TMCO4: variants seen among roughly 807,000 people sequenced by gnomAD.
The protein encoded by TMCO4 is transmembrane and coiled-coil domain-containing protein 4.
A neutral mutation model predicts 64.7 loss-of-function variants in TMCO4; 58 were observed. The ratio of observed to expected loss-of-function variants is 0.90; its 90% CI spans 0.73 to 1.12. TMCO4 has a LOEUF of 1.12. TMCO4 is among the 50% of genes most tolerant of loss of function. The pLI, the probability that TMCO4 is intolerant of heterozygous loss-of-function variation, is 0.00. For missense variants in TMCO4, 780 were observed against 825.9 expected (o/e 0.94, Z 0.68); for synonymous variants, 325 against 346.1 (o/e 0.94, Z 0.68).
In TMCO4 at chr1:19,682,461, G is replaced by A; in HGVS notation, c.*579C>T. ...TGACTCATGTCCCTGGAGTTATGCA[G>A]CGCACAGCCTACATGGCTGTACAGG... is the stretch of plus-strand genomic sequence containing the variant. On this transcript the variant is annotated 3_prime_UTR_variant, in exon 16 of 16. Coordinates refer to ENST00000294543, the MANE Select transcript of TMCO4 (RefSeq NM_181719.7). 5 of 608,804 alleles carry A rather than the reference G, an allele frequency of 8.2e-6. No homozygotes were observed. The South Asian group carries it at 9.6e-5, about 12-fold the overall frequency. The allele number at this position is 608,804 out of a possible 1,614,324, so 37.7% of individuals were successfully genotyped here.
intron 2 of TMCO4, among the ~76,000 whole-genome samples, chr1:19,790,243 A>G (rs2043963081): frequency 6.6e-6 from 1 of 152,160 alleles, no homozygotes; most frequent in Admixed American, 6.5e-5. Context: ...AATACCATTC[A>G]GCACATAGGC....
intron 15 of TMCO4, among the ~76,000 whole-genome samples, chr1:19,691,012 GTGCC>G: frequency 1.3e-5 from 2 of 151,900 alleles, no homozygotes; most frequent in East Asian, 3.9e-4. Context: ...GGGACTACAG[GTGCC>G]CACCGCCACA....
chr1:19,713,667 C>A (rs2095342170), intron 13 of TMCO4, among the ~76,000 whole-genome samples: 1 of 151,980 alleles, frequency 6.6e-6, no homozygotes, highest in Admixed American at 6.6e-5. Context: ...CCACTGCACT[C>A]CAGCCTGGAT....
chr1:19,785,592 T>G (rs2043697251), intron 3 of TMCO4, among the ~76,000 whole-genome samples: 1 of 152,206 alleles, frequency 6.6e-6, no homozygotes, highest in Non-Finnish European at 1.5e-5. Context: ...AGTTCCCTGC[T>G]CTTAAGGGGC....
At chr1:19,727,150 C>T (rs1039889364) in intron 13 of TMCO4, among the ~76,000 whole-genome samples, 1 of 152,180 alleles carries the variant, frequency 6.6e-6, no homozygotes, top group African/African-American at 2.4e-5. Flanking sequence ...GAGCATCTGC[C>T]TCTATGTCCT....
At chr1:19,762,132 T>C (rs1175495886) in intron 6 of TMCO4, among the ~76,000 whole-genome samples, 1 of 152,236 alleles carries the variant, frequency 6.6e-6, no homozygotes, top group Non-Finnish European at 1.5e-5. Context: ...CCAACATTTC[T>C]GCTCATTCCA....
intron 4 of TMCO4, among the ~76,000 whole-genome samples, chr1:19,776,627 T>G (rs2043214973): frequency 6.6e-6 from 1 of 152,218 alleles, no homozygotes; most frequent in African/African-American, 2.4e-5. Flanking sequence ...ATACCCTCCT[T>G]ACAATCACCC....
chr1:19,716,301 C>A (rs1432689065), intron 13 of TMCO4, among the ~76,000 whole-genome samples: 2 of 150,590 alleles, frequency 1.3e-5, no homozygotes, highest in African/African-American at 4.9e-5. Flanking sequence ...TCTCCTGCCT[C>A]AGCCTCCTCA....
Position 19,685,098 on chromosome 1 carries a change from G to GA in TMCO4, c.1501-1655dup, listed in dbSNP as rs1482133027. Among the ~76,000 whole-genome samples the GA allele has an allele frequency of 5.3e-5, 8 of 152,292 alleles. No individual in the cohort carries two copies. In the South Asian group the frequency reaches 1.5e-3, roughly 28 times the overall value. ...CCAGCACTTTGGGAGGCCAAGGTGG[G>GA]AAAATCACTTGAGCCCAGGAGTTTG... is the stretch of plus-strand genomic sequence containing the variant. On this transcript the variant is annotated intron_variant, in intron 15 of 15. Coordinates refer to ENST00000294543, the MANE Select transcript of TMCO4 (RefSeq NM_181719.7).
chr1:19,698,291 G>A (rs1404387806), intron 14 of TMCO4, among the ~76,000 whole-genome samples: 1 of 152,188 alleles, frequency 6.6e-6, no homozygotes, highest in African/African-American at 2.4e-5. Flanking sequence ...TGGGTTACAA[G>A]GAGCCCGCCT....
intron 7 of TMCO4, among the ~76,000 whole-genome samples, chr1:19,749,654 C>A (rs917064091): frequency 6.6e-6 from 1 of 152,162 alleles, no homozygotes; most frequent in African/African-American, 2.4e-5. Context: ...AGGTGTGAGC[C>A]ACCGTGCCGG....
chr1:19,790,327 T>C (rs2043967839), intron 2 of TMCO4, among the ~76,000 whole-genome samples: 1 of 152,060 alleles, frequency 6.6e-6, no homozygotes, highest in Non-Finnish European at 1.5e-5. Flanking sequence ...TGGGATCTGA[T>C]TAAACTAAAG....
At chr1:19,700,126 G>A (rs2095261903) in intron 14 of TMCO4, among the ~76,000 whole-genome samples, 2 of 152,136 alleles carry the variant, frequency 1.3e-5, no homozygotes, top group Admixed American at 6.5e-5. Context: ...CTGCCCCAAA[G>A]TCTGAGTCAC....
At chr1:19,791,848 T>C (rs993922885) in intron 2 of TMCO4, among the ~76,000 whole-genome samples, 1 of 152,090 alleles carries the variant, frequency 6.6e-6, no homozygotes, top group Non-Finnish European at 1.5e-5. Flanking sequence ...CCAAATGATA[T>C]AGTTTGGCTG....
At chr1:19,783,793 C>T (rs570190094) in intron 3 of TMCO4, among the ~76,000 whole-genome samples, 2 of 152,318 alleles carry the variant, frequency 1.3e-5, no homozygotes, top group East Asian at 3.9e-4. Flanking sequence ...ATCTTATTTC[C>T]CCTGTTTCAG....
rs2095112580 is a variant in TMCO4 at position 19,682,826 on chromosome 1, C to T, written c.*214G>A. The T allele has an allele frequency of 6.7e-6, 5 of 746,218 alleles. No individual in the cohort carries two copies. Among genetic ancestry groups the T allele is most frequent in the Admixed American group, 4.3e-5 (2 of 46,568 alleles). 46.2% of individuals were successfully genotyped at this position (746,218 alleles called of 1,614,324 possible). ...GGGGCAGCTGCTCCCTGGTGGGGCT[C>T]CTCTGGGGACAGGCAGCTTCCCAAG... On this transcript the variant is annotated 3_prime_UTR_variant, in exon 16 of 16. Transcript: ENST00000294543.
At chr1:19,721,788 CAAACAAAACAAAACA>C (rs745424127) in intron 13 of TMCO4, among the ~76,000 whole-genome samples, 2 of 151,618 alleles carry the variant, frequency 1.3e-5, no homozygotes, top group Non-Finnish European at 1.5e-5. Flanking sequence ...GACCCTGTCT[CAAACAAAACAAAACA>C]AAACAAAACA....
At chr1:19,786,829 T>C (rs1256655703) in intron 3 of TMCO4, among the ~76,000 whole-genome samples, 197 bp downstream of exon 3, 1 of 152,200 alleles carries the variant, frequency 6.6e-6, no homozygotes, top group Non-Finnish European at 1.5e-5. Context: ...AAATGAATAT[T>C]GACCTCTTAA....
Position 19,754,561 on chromosome 1 carries a change from A to G in TMCO4, c.515+1073T>C, listed in dbSNP as rs189008194. Among the ~76,000 whole-genome samples the G allele has an allele frequency of 1.9e-3, 286 of 152,298 alleles. 1 individual carries two copies. The highest frequency in any genetic ancestry group is 6.3e-3 in the African/African-American group (263 of 41,574). The stretch of plus-strand genomic sequence containing the variant: ...GACCTCGGGTAACCTGGCTGGTCAA[A>G]GAACACCACGGCAGCTAAAAAAAAC... On this transcript the variant is annotated intron_variant, in intron 7 of 15. Transcript: ENST00000294543.
Sources: gnomAD v4.1 joint callset for allele counts (sites outside exome capture counted in the v4.1 genomes callset) on GRCh38, gnomAD v4.1.1 for gene constraint, MANE v1.5 for transcripts, NCBI Gene and HGNC (gene_info 2026-07-23, HGNC 2026-07-21) for gene names.